Variants in HEPH observed in about 807,000 individuals in gnomAD.
HEPH encodes the protein hephaestin.
HEPH carries 69 observed loss-of-function variants against 80.8 expected under a neutral mutation model. That is an observed-to-expected ratio of 0.85 (90% CI 0.70 to 1.04). HEPH has a LOEUF of 1.04. Among genes scored for constraint, HEPH ranks in the 50% least tolerant of loss-of-function variants. The pLI, the probability that HEPH is intolerant of heterozygous loss-of-function variation, is 0.00. For synonymous variants in HEPH, 431 were observed against 322.8 expected (o/e 1.34, Z -3.60); for missense variants, 1,115 against 891.3 (o/e 1.25, Z -3.20).
intron 15 of HEPH, among the ~76,000 whole-genome samples, chrX:66,249,728 T>C (rs1394367847): frequency 9.0e-6 from 1 of 111,647 alleles, no homozygotes; most frequent in Non-Finnish European, 1.9e-5. Context: ...AGAGGGATTG[T>C]TAGATTGCCC....
intron 15 of HEPH, among the ~76,000 whole-genome samples, chrX:66,213,652 A>T (rs932583472): frequency 1.4e-4 from 16 of 111,958 alleles, no homozygotes; most frequent in Non-Finnish European, 2.6e-4. Context: ...GGAAAAATAA[A>T]GAATACCTGG....
In HEPH at chrX:66,213,803, A is replaced by T. The variant is rs749673071; in HGVS notation, c.2563+5557A>T. 3.6e-5 allele frequency among the ~76,000 whole-genome samples: 4 copies of T among 112,328 alleles called. No individual in the cohort carries two copies. The South Asian group carries it at 1.5e-3, about 41-fold the overall frequency. Reference sequence around the variant, plus strand: ...AATAAAAATCAGTAGGACAAAACAAACATTCCTGAAGCAGACCCAAGCTTC... The same window carrying T: ...AATAAAAATCAGTAGGACAAAACAATCATTCCTGAAGCAGACCCAAGCTTC... On this transcript the variant is annotated intron_variant, in intron 15 of 20. Transcript: ENST00000343002.
intron 15 of HEPH, among the ~76,000 whole-genome samples, chrX:66,252,597 G>A (rs1446851181): frequency 3.6e-5 from 4 of 111,722 alleles, no homozygotes; most frequent in Middle Eastern, 4.6e-3. Flanking sequence ...TTGATAAAAG[G>A]TATGACATGA....
intron 15 of HEPH, among the ~76,000 whole-genome samples, chrX:66,212,148 G>T (rs1211029200): frequency 1.9e-5 from 2 of 106,280 alleles, no homozygotes; most frequent in Admixed American, 2.0e-4. Context: ...CTTATTTTGA[G>T]AAATGTCTAT....
In HEPH at chrX:66,251,519, AT is replaced by A. The variant is rs369514346; in HGVS notation, c.2564-3507del. On this transcript the variant is annotated intron_variant, in intron 15 of 20. Coordinates refer to ENST00000343002, the MANE Select transcript of HEPH (RefSeq NM_001367233.3). ...TCTTGTGTTGTGAAATGTCCGTTCA[AT>A]TTTTTTTTGCCTATTTTTAATTGGG... 4.8e-3 allele frequency among the ~76,000 whole-genome samples: 528 copies of A among 110,199 alleles called. 3 individuals are homozygous for A. The highest frequency in any genetic ancestry group is 0.015 in the African/African-American group (465 of 30,411).
intron 15 of HEPH, among the ~76,000 whole-genome samples, chrX:66,244,387 G>A (rs112574443): frequency 0.029 from 3,246 of 111,389 alleles, 46 homozygotes; most frequent in Non-Finnish European, 0.044. Flanking sequence ...GTCTTAATGG[G>A]TTATTTCAGA....
chrX:66,261,001 C>T (rs1321877158), intron 19 of HEPH, among the ~76,000 whole-genome samples: 2 of 111,989 alleles, frequency 1.8e-5, no homozygotes, highest in South Asian at 3.7e-4. Context: ...CTCTTGGCCT[C>T]CTTCTGCAGC....
At chrX:66,178,880 T>A (rs1194181506) in intron 4 of HEPH, among the ~76,000 whole-genome samples, 1 of 112,145 alleles carries the variant, frequency 8.9e-6, no homozygotes, top group Non-Finnish European at 1.9e-5. Flanking sequence ...AAAAATTTTT[T>A]CCCATTCTGT....
chrX:66,200,135 T>C (rs934070960), intron 11 of HEPH, among the ~76,000 whole-genome samples: 6 of 109,683 alleles, frequency 5.5e-5, no homozygotes, highest in African/African-American at 2.0e-4. Context: ...GAAAATGAGA[T>C]CTATATGGAA....
chrX:66,188,430 G>A lies in HEPH; in HGVS notation c.697G>A (p.Val233Ile). 1 of 1,206,858 alleles carries A rather than the reference G, an allele frequency of 8.3e-7. No homozygotes were observed. The highest frequency in any genetic ancestry group is 1.1e-6 in the Non-Finnish European group (1 of 892,441). Residue 233 changes from valine (V) to isoleucine (I), a missense_variant, in exon 5 of 21, where the codon GTA (valine) becomes ATA (isoleucine). Physicochemically the swap from Val to Ile is conservative, Grantham distance 29. This residue lies in a region of HEPH where 391 missense variants were observed against 343.6 expected (regional missense o/e 1.14). Coordinates refer to ENST00000343002, the MANE Select transcript of HEPH (RefSeq NM_001367233.3). Reference sequence around the variant, plus strand: ...TGATTTCTTCCTCCTCTTCAGTGTGGTAGATGAGAACCTCAGCTGGCATCT... The same window carrying A: ...TGATTTCTTCCTCCTCTTCAGTGTGATAGATGAGAACCTCAGCTGGCATCT... Reference protein sequence around the residue: ...DHDFFLLFSVVDENLSWHLNE... With the variant: ...DHDFFLLFSVIDENLSWHLNE...
chrX:66,176,921 T>C (rs2086834771), intron 4 of HEPH, among the ~76,000 whole-genome samples: 1 of 111,253 alleles, frequency 9.0e-6, no homozygotes, highest in Non-Finnish European at 1.9e-5. Flanking sequence ...GGACTTCATG[T>C]CTAAAACACC....
At chrX:66,205,155 G>T (rs986297448) in intron 13 of HEPH, among the ~76,000 whole-genome samples, 1 of 111,329 alleles carries the variant, frequency 9.0e-6, no homozygotes, top group Admixed American at 9.6e-5. Flanking sequence ...AGGTATGGGG[G>T]TACATGTGCA....
intron 15 of HEPH, among the ~76,000 whole-genome samples, chrX:66,246,256 G>A (rs779065524): frequency 9.9e-4 from 111 of 111,995 alleles, no homozygotes; most frequent in Non-Finnish European, 1.5e-3. Context: ...AATCTAGCAG[G>A]CATTACCTGC....
chrX:66,205,969 A>T (rs111873599), intron 13 of HEPH, among the ~76,000 whole-genome samples: 1 of 111,191 alleles, frequency 9.0e-6, no homozygotes, highest in African/African-American at 3.3e-5. Flanking sequence ...CTGGCTAACA[A>T]TGTCACTTGT....
chrX:66,219,740 T>C (rs920317362), intron 15 of HEPH, among the ~76,000 whole-genome samples: 9 of 111,754 alleles, frequency 8.1e-5, no homozygotes, highest in East Asian at 2.8e-4. Flanking sequence ...AGTTCACCTG[T>C]CTTTGTAGGC....
At chrX:66,255,773 T>C (rs2091159078) in intron 16 of HEPH, among the ~76,000 whole-genome samples, 1 of 111,116 alleles carries the variant, frequency 9.0e-6, no homozygotes, top group Admixed American at 9.6e-5. Flanking sequence ...CATTATGCCA[T>C]CAGATAAGGG....
At chrX:66,207,052 G>T (rs7064999) in intron 13 of HEPH, 143 bp from the exon 14 acceptor site, 10 of 321,390 alleles carry the variant, frequency 3.1e-5, no homozygotes, top group East Asian at 6.6e-5. Flanking sequence ...TTAAAAAAAA[G>T]AAAAAAAAAG....
rs748382854 is a variant in HEPH, at chrX:66,255,015, G to T, written c.2564-20G>T. On this transcript the variant is annotated intron_variant, in intron 15 of 20. Coordinates refer to ENST00000343002, the MANE Select transcript of HEPH (RefSeq NM_001367233.3). ...AATTTCTGACCCGGTGCAACTGGAGGTTCCTTGTTACACTTCTAGGTGAGG... is the reference window on the plus strand; with the variant it reads ...AATTTCTGACCCGGTGCAACTGGAGTTTCCTTGTTACACTTCTAGGTGAGG... 5.3e-6 allele frequency: 6 copies of T among 1,131,635 alleles called. No individual in the cohort carries two copies. The highest frequency in any genetic ancestry group is 7.2e-6 in the Non-Finnish European group (6 of 832,400). The allele number at this position is 1,131,635 out of a possible 1,213,427, so 93.3% of individuals were successfully genotyped here.
At chrX:66,203,066 G>A (rs2088556048) in intron 12 of HEPH, among the ~76,000 whole-genome samples, 1 of 108,276 alleles carries the variant, frequency 9.2e-6, no homozygotes, top group Non-Finnish European at 1.9e-5. Flanking sequence ...TAGGAATATG[G>A]GACTTACAGT....
Sources: gnomAD v4.1 joint callset for allele counts (sites outside exome capture counted in the v4.1 genomes callset) on GRCh38, gnomAD v4.1.1 for gene constraint, gnomAD v4.1.1 regional missense constraint, MANE v1.5 for transcripts, NCBI Gene and HGNC (gene_info 2026-07-23, HGNC 2026-07-21) for gene names.